Variants in TMCO6 observed in about 807,000 individuals in gnomAD.
The protein encoded by TMCO6 is transmembrane and coiled-coil domains 6.
Under a neutral mutation model 61.8 loss-of-function variants are expected in TMCO6, and 47 were observed. The ratio of observed to expected loss-of-function variants is 0.76; its 90% CI spans 0.60 to 0.97. The LOEUF (loss-of-function observed/expected upper bound fraction) is 0.97. Among genes scored for constraint, TMCO6 ranks in the 50% least tolerant of loss-of-function variants. TMCO6 has a pLI of 0.00. For missense variants in TMCO6, 557 were observed against 601.6 expected, an observed-to-expected ratio of 0.93 and a Z score of 0.78; for synonymous variants, 261 against 254.2, an observed-to-expected ratio of 1.03 and a Z score of -0.25.
At chr5:140,645,854 A>C, downstream of TMCO6, 1 of 1,155,994 alleles carries the variant, frequency 8.7e-7, no homozygotes, top group Non-Finnish European at 1.2e-6. Context: ...AAACACATCT[A>C]GGAAGCCCAA....
In TMCO6 at chr5:140,642,038, C is replaced by T. The variant is rs559212706; in HGVS notation, c.483C>T (p.His161=). ...TSYLLTYLSS[H]SSDFIELCLY... is the part of the protein sequence containing the mutation. ...ACCTCCTCACCTACCTCTCCAGTCA[C>T]AGCTCAGACTTCATAGTAAGCCCTG... Residue 161 remains histidine, a synonymous_variant, in exon 4 of 12, where the codon CAC becomes CAT. Coordinates refer to ENST00000394671, the MANE Select transcript of TMCO6 (RefSeq NM_018502.5). 9.1e-5 allele frequency: 147 copies of T among 1,609,922 alleles called. 2 individuals carry two copies. In the South Asian group the frequency reaches 1.6e-3, roughly 18 times the overall value.
the TMCO6 span, among the ~76,000 whole-genome samples, chr5:140,596,811 T>C: frequency 6.6e-6 from 1 of 152,192 alleles, no homozygotes; most frequent in South Asian, 2.1e-4. Context: ...CAAAGCTTCA[T>C]CTACCTTGGT....
the TMCO6 span, among the ~76,000 whole-genome samples, chr5:140,628,429 G>A: frequency 2.6e-5 from 4 of 151,796 alleles, no homozygotes; most frequent in African/African-American, 4.8e-5. Context: ...TGCACTTTAC[G>A]GCTTTTCTTT....
chr5:140,638,370 GCTGGTACTGATAACGT>G (rs937568925), upstream of TMCO6, among the ~76,000 whole-genome samples: 34 of 152,292 alleles, frequency 2.2e-4, no homozygotes, highest in Middle Eastern at 3.4e-3. Context: ...AGGAATGTGA[GCTGGTACTGATAACGT>G]CTGGTACTGA....
the TMCO6 span, among the ~76,000 whole-genome samples, chr5:140,619,236 T>C: frequency 6.6e-6 from 1 of 152,324 alleles, no homozygotes; most frequent in East Asian, 1.9e-4. Flanking sequence ...CTCTACATGA[T>C]GTTATTGACA....
At chr5:140,627,773 G>A in the TMCO6 span, among the ~76,000 whole-genome samples, 6 of 150,436 alleles carry the variant, frequency 4.0e-5, no homozygotes, top group South Asian at 1.3e-3. Context: ...GCGGGCGCAT[G>A]TAGTCCCAGC....
At chr5:140,612,334 C>CTTTTTTTTT in the TMCO6 span, among the ~76,000 whole-genome samples, 8 of 112,230 alleles carry the variant, frequency 7.1e-5, no homozygotes, top group African/African-American at 1.5e-4. Context: ...CTTGCCCAAT[C>CTTTTTTTTT]TTTTTTTTTT....
At chr5:140,604,229 A>G in the TMCO6 span, among the ~76,000 whole-genome samples, 2 of 152,086 alleles carry the variant, frequency 1.3e-5, no homozygotes, top group Non-Finnish European at 2.9e-5. Context: ...CCTTGTCTCT[A>G]CTAAAAATCA....
downstream of TMCO6, among the ~76,000 whole-genome samples, chr5:140,646,828 A>C (rs895695820): frequency 2.0e-5 from 3 of 152,200 alleles, no homozygotes; most frequent in African/African-American, 7.2e-5. Context: ...GAAAAGAAGA[A>C]CACGCTTCCT....
chr5:140,605,353 C>T, the TMCO6 span, among the ~76,000 whole-genome samples: 1 of 152,054 alleles, frequency 6.6e-6, no homozygotes, highest in Non-Finnish European at 1.5e-5. Context: ...CTGGCTAAAA[C>T]TTCTGGTACG....
At chr5:140,633,412 G>C in the TMCO6 span, 1 of 480,038 alleles carries the variant, frequency 2.1e-6, no homozygotes. Flanking sequence ...GCCCCAGGCG[G>C]TGAATGCCCT....
chr5:140,606,424 T>G, the TMCO6 span, among the ~76,000 whole-genome samples: 61 of 152,308 alleles, frequency 4.0e-4, no homozygotes, highest in Admixed American at 1.8e-3. Context: ...ACTAAAGGTT[T>G]GTCAATTTTG....
upstream of TMCO6, among the ~76,000 whole-genome samples, chr5:140,635,148 A>G (rs1249902963): frequency 2.6e-5 from 4 of 152,174 alleles, no homozygotes; most frequent in Admixed American, 6.5e-5. Flanking sequence ...TTTGTCCCCA[A>G]TCCAAACAAG....
the TMCO6 span, among the ~76,000 whole-genome samples, chr5:140,616,928 AACT>A: frequency 6.6e-6 from 1 of 152,202 alleles, no homozygotes; most frequent in South Asian, 2.1e-4. Context: ...CTGTAGTCCC[AACT>A]ACTCAGGAGG....
the TMCO6 span, among the ~76,000 whole-genome samples, chr5:140,605,694 C>A: frequency 1.7e-5 from 1 of 60,092 alleles, no homozygotes. Flanking sequence ...AAAAACAAAA[C>A]ACACACACAC....
At chr5:140,614,498 G>A in the TMCO6 span, among the ~76,000 whole-genome samples, 1 of 148,954 alleles carries the variant, frequency 6.7e-6, no homozygotes, top group Non-Finnish European at 1.5e-5. Context: ...GGCAACAACA[G>A]CGAAACTCTG....
rs1410706882 is a variant in TMCO6, at chr5:140,639,594, C to CGGCGGGAGCGGGAGGCAGGTGTG, written c.73_85+10dup. The CGGCGGGAGCGGGAGGCAGGTGTG allele has an allele frequency of 2.5e-5, 39 of 1,543,740 alleles. No homozygotes were observed. Among genetic ancestry groups the CGGCGGGAGCGGGAGGCAGGTGTG allele is most frequent in the Non-Finnish European group, 2.9e-5 (33 of 1,143,514 alleles). ...CGGGGTGGAGGAGCTACGGCGCCGC[C>CGGCGGGAGCGGGAGGCAGGTGTG]GGCGGGAGCGGGAGGCAGGTGTGGG... On this transcript the variant is annotated frameshift_variant, in exon 1 of 12. Coordinates refer to ENST00000394671, the MANE Select transcript of TMCO6 (RefSeq NM_018502.5). LOFTEE classifies it high-confidence loss of function.
chr5:140,633,051 C>T, the TMCO6 span: 1 of 1,613,324 alleles, frequency 6.2e-7, no homozygotes, highest in Non-Finnish European at 8.5e-7. Flanking sequence ...GCGTTCGACC[C>T]CAAGACCCTA....
chr5:140,639,792 A>C lies in TMCO6; in HGVS notation c.139A>C (p.Asn47His). Reference sequence around the variant, plus strand: ...GCTGGTCAGCAAGAGGCTGCTGAGAAACGACGCCCCAGAGGAAGCTGGAGA... The same window carrying C: ...GCTGGTCAGCAAGAGGCTGCTGAGACACGACGCCCCAGAGGAAGCTGGAGA... ...QQLVSKRLLR[N>H]DAPEEAGEGC... is the part of the protein sequence containing the mutation. Residue 47 changes from asparagine to histidine, a missense_variant, in exon 2 of 12, where the codon AAC becomes CAC. Physicochemically the swap from Asn to His is moderately conservative, Grantham distance 68. Transcript: ENST00000394671. The C allele has an allele frequency of 1.9e-6, 3 of 1,609,782 alleles. No individual in the cohort carries two copies. Among genetic ancestry groups the C allele is most frequent in the Non-Finnish European group, 2.5e-6 (3 of 1,178,646 alleles).
Sources: allele counts gnomAD v4.1 joint callset (sites outside exome capture counted in the v4.1 genomes callset), GRCh38; gene constraint gnomAD v4.1.1; transcripts MANE v1.5; gene names NCBI Gene and HGNC (gene_info 2026-07-23, HGNC 2026-07-21).